The following PTPRD variants were observed in gnomAD, a reference collection of about 807,000 sequenced individuals.
The protein encoded by PTPRD is receptor-type tyrosine-protein phosphatase delta.
A neutral mutation model predicts 214.5 loss-of-function variants in PTPRD; 34 were observed. The ratio of observed to expected loss-of-function variants is 0.16; its 90% CI spans 0.12 to 0.21. The LOEUF (loss-of-function observed/expected upper bound fraction) is 0.21. Among genes scored for constraint, PTPRD ranks in the 10% least tolerant of loss-of-function variants. PTPRD has a pLI of 1.00. For synonymous variants in PTPRD, 1,128 were observed against 845.7 expected (o/e 1.33, Z -5.79); for missense variants, 2,545 against 2,398.7 (o/e 1.06, Z -1.27).
chr9:9,014,719 A>G (rs1459096679), intron 11 of PTPRD, among the ~76,000 whole-genome samples: 2 of 152,264 alleles, frequency 1.3e-5, no homozygotes, highest in African/African-American at 4.8e-5. Context: ...ACATGATGAA[A>G]TGTATTTCTA....
chr9:10,114,660 T>A (rs951803395), intron 3 of PTPRD, among the ~76,000 whole-genome samples: 4 of 152,102 alleles, frequency 2.6e-5, no homozygotes, highest in Non-Finnish European at 5.9e-5. Flanking sequence ...CTTATCAATA[T>A]GAAATATGCC....
intron 11 of PTPRD, among the ~76,000 whole-genome samples, chr9:8,874,541 C>T (rs1415729986): frequency 6.6e-6 from 1 of 152,152 alleles, no homozygotes; most frequent in African/African-American, 2.4e-5. Context: ...TCATACTCTT[C>T]ACCCTCATCT....
At chr9:9,941,748 G>A (rs1003723800) in intron 4 of PTPRD, among the ~76,000 whole-genome samples, 1 of 152,124 alleles carries the variant, frequency 6.6e-6, no homozygotes, top group Non-Finnish European at 1.5e-5. Flanking sequence ...GAACAACTCT[G>A]AAGAAGAGGT....
At chr9:8,786,139 G>T (rs1310064319) in intron 11 of PTPRD, among the ~76,000 whole-genome samples, 1 of 151,998 alleles carries the variant, frequency 6.6e-6, no homozygotes, top group African/African-American at 2.4e-5. Flanking sequence ...AAGGTAGGGT[G>T]GGAGGGATTC....
intron 3 of PTPRD, among the ~76,000 whole-genome samples, chr9:10,038,440 G>C (rs2097229503): frequency 6.6e-6 from 1 of 151,912 alleles, no homozygotes; most frequent in Non-Finnish European, 1.5e-5. Context: ...ATTTGATTTT[G>C]TGTTCTCTAT....
chr9:9,909,381 C>G (rs1601770592), intron 5 of PTPRD, among the ~76,000 whole-genome samples: 1 of 147,776 alleles, frequency 6.8e-6, no homozygotes, highest in Non-Finnish European at 1.5e-5. Flanking sequence ...GGGGCAGGGG[C>G]AGCTGCTAGG....
chr9:9,237,030 G>C (rs1340735785), intron 9 of PTPRD, among the ~76,000 whole-genome samples: 1 of 152,048 alleles, frequency 6.6e-6, no homozygotes, highest in Non-Finnish European at 1.5e-5. Context: ...GTTCTTATTT[G>C]TTTGACTTTC....
At chr9:10,448,348 G>C (rs1588394877) in intron 2 of PTPRD, among the ~76,000 whole-genome samples, 1 of 151,980 alleles carries the variant, frequency 6.6e-6, no homozygotes, top group East Asian at 1.9e-4. Flanking sequence ...GATAGCTGCT[G>C]CTTTTGAGTG....
rs951405531 is a variant in PTPRD, at chr9:9,840,626, G to A, written c.-367-73775C>T. 7.9e-5 allele frequency among the ~76,000 whole-genome samples: 12 copies of A among 151,982 alleles called. No homozygotes were observed. The East Asian group carries it at 1.8e-3, about 22-fold the overall frequency. On this transcript the variant is annotated intron_variant, in intron 5 of 45. Transcript: ENST00000381196. ...AATGGGAAGGGAATTAGCTGGGCGT[G>A]GTGGCGCGTGCCTGTAGTCCCAGCT...
intron 12 of PTPRD, among the ~76,000 whole-genome samples, chr9:8,666,755 G>C (rs1029817292): frequency 7.2e-5 from 11 of 152,146 alleles, no homozygotes; most frequent in African/African-American, 2.7e-4. Flanking sequence ...AATGTCCTGT[G>C]AGTTTTCTGC....
Position 8,753,367 on chromosome 9 carries a change from G to C in PTPRD, c.-103-19421C>G, listed in dbSNP as rs142998657. 1.4e-4 allele frequency among the ~76,000 whole-genome samples: 22 copies of C among 152,322 alleles called. No individual in the cohort carries two copies. In the East Asian group the frequency reaches 3.7e-3, roughly 25 times the overall value. ...ACAGGTAGTAGTTAGCATAATTTTAGATGCTATTTTCCTTAAGCAGGTTCT... is the reference window on the plus strand; with the variant it reads ...ACAGGTAGTAGTTAGCATAATTTTACATGCTATTTTCCTTAAGCAGGTTCT... On this transcript the variant is annotated intron_variant, in intron 11 of 45. Coordinates refer to ENST00000381196, the MANE Select transcript of PTPRD (RefSeq NM_002839.4).
intron 4 of PTPRD, among the ~76,000 whole-genome samples, chr9:9,967,786 A>T (rs2094811401): frequency 6.6e-6 from 1 of 152,198 alleles, no homozygotes; most frequent in African/African-American, 2.4e-5. Context: ...ATGCGTAAAA[A>T]GTTGAAAGGT....
chr9:10,069,746 A>T (rs971042297), intron 3 of PTPRD, among the ~76,000 whole-genome samples: 1 of 152,060 alleles, frequency 6.6e-6, no homozygotes, highest in Non-Finnish European at 1.5e-5. Context: ...AACAGAGATA[A>T]TTGTGAATCA....
intron 11 of PTPRD, among the ~76,000 whole-genome samples, chr9:8,779,196 G>A (rs559239152): frequency 1.1e-4 from 16 of 152,080 alleles, no homozygotes; most frequent in Non-Finnish European, 2.1e-4. Flanking sequence ...CAGAGAGAGC[G>A]AGCGAATAAT....
At chr9:9,989,340 C>T (rs955404064) in intron 4 of PTPRD, among the ~76,000 whole-genome samples, 5 of 152,042 alleles carry the variant, frequency 3.3e-5, no homozygotes, top group Non-Finnish European at 7.4e-5. Flanking sequence ...CTTCTCTGCC[C>T]CCACATTCTG....
chr9:9,357,293 C>T (rs2054174652), intron 9 of PTPRD, among the ~76,000 whole-genome samples: 1 of 151,312 alleles, frequency 6.6e-6, no homozygotes, highest in Non-Finnish European at 1.5e-5. Flanking sequence ...AAATATTCTT[C>T]TTCTGTTGAA....
intron 24 of PTPRD, 105 bp from the exon 25 acceptor site, chr9:8,499,945 A>G: frequency 1.1e-6 from 1 of 907,452 alleles, no homozygotes; most frequent in South Asian, 2.3e-5. Flanking sequence ...AAAAATGGGT[A>G]AACCCACTAT....
chr9:8,818,749 T>C (rs2096977048), intron 11 of PTPRD, among the ~76,000 whole-genome samples: 1 of 152,266 alleles, frequency 6.6e-6, no homozygotes, highest in Admixed American at 6.5e-5. Flanking sequence ...CTAATTAATA[T>C]TTATTGCATT....
At chr9:9,828,775 T>A (rs1030111552) in intron 5 of PTPRD, among the ~76,000 whole-genome samples, 16 of 151,826 alleles carry the variant, frequency 1.1e-4, no homozygotes, top group African/African-American at 3.6e-4. Context: ...TCAATATAAC[T>A]ACTTGAAGTA....
Sources: gnomAD v4.1 joint callset for allele counts (sites outside exome capture counted in the v4.1 genomes callset) on GRCh38, gnomAD v4.1.1 for gene constraint, MANE v1.5 for transcripts, NCBI Gene and HGNC (gene_info 2026-07-23, HGNC 2026-07-21) for gene names.